Variants in GALNT16 observed in about 807,000 individuals in gnomAD.
GALNT16 encodes the protein UDP-GalNAc:polypeptide N-acetylgalactosaminyltransferase-like protein 1.
GALNT16 carries 40 observed loss-of-function variants against 76.1 expected under a neutral mutation model. The ratio of observed to expected loss-of-function variants is 0.53; its 90% CI spans 0.41 to 0.68. The LOEUF is 0.68. Ranked by LOEUF, GALNT16 falls within the 30% of genes least tolerant of loss-of-function variation. The pLI, the probability that GALNT16 is intolerant of heterozygous loss-of-function variation, is 0.00. For synonymous variants in GALNT16, 276 were observed against 285.2 expected (o/e 0.97, Z 0.32); for missense variants, 621 against 731.9 (o/e 0.85, Z 1.75).
the GALNT16 span, among the ~76,000 whole-genome samples, chr14:69,386,286 C>A: frequency 6.6e-6 from 1 of 152,204 alleles, no homozygotes; most frequent in Admixed American, 6.5e-5. Flanking sequence ...CATCACTGCT[C>A]TTTCAACTTC....
At chr14:69,385,576 A>G in the GALNT16 span, among the ~76,000 whole-genome samples, 14 of 151,964 alleles carry the variant, frequency 9.2e-5, no homozygotes, top group African/African-American at 2.9e-4. Context: ...CCCACTTAAA[A>G]AAAAGCAATT....
At chr14:69,369,104 G>A in the GALNT16 span, among the ~76,000 whole-genome samples, 3 of 152,136 alleles carry the variant, frequency 2.0e-5, no homozygotes, top group African/African-American at 4.8e-5. Context: ...CTAACTGATC[G>A]AGAGTCACCC....
At chr14:69,338,897 C>T in intron 10 of GALNT16, 120 bp downstream of exon 10, 1 of 721,960 alleles carries the variant, frequency 1.4e-6, no homozygotes, top group African/African-American at 1.8e-5. Flanking sequence ...GCCTCAGTTT[C>T]CCCATTTGCC....
intron 1 of GALNT16, among the ~76,000 whole-genome samples, chr14:69,280,066 C>A (rs2044519907): frequency 6.6e-6 from 1 of 152,152 alleles, no homozygotes; most frequent in African/African-American, 2.4e-5. Flanking sequence ...ACCATCTTAA[C>A]CATTTTTAAA....
chr14:69,267,123 G>C (rs1252155131), intron 1 of GALNT16, among the ~76,000 whole-genome samples: 1 of 152,202 alleles, frequency 6.6e-6, no homozygotes, highest in African/African-American at 2.4e-5. Flanking sequence ...TTGCTGCCTG[G>C]GGCGGCGCTG....
the GALNT16 span, among the ~76,000 whole-genome samples, chr14:69,371,201 A>G: frequency 3.9e-5 from 6 of 152,232 alleles, no homozygotes; most frequent in South Asian, 1.2e-3. Context: ...GGGTAACTTC[A>G]CGGTAACATG....
intron 11 of GALNT16, among the ~76,000 whole-genome samples, chr14:69,340,618 G>A (rs1332951974): frequency 6.6e-6 from 1 of 152,004 alleles, no homozygotes; most frequent in African/African-American, 2.4e-5. Context: ...TAGAGTAGCT[G>A]GGATTACAGG....
At chr14:69,341,869 C>A in intron 12 of GALNT16, 105 bp downstream of exon 12, 1 of 718,916 alleles carries the variant, frequency 1.4e-6, no homozygotes, top group Admixed American at 2.2e-5. Context: ...CACTGGTGAT[C>A]TGGCTTTCTA....
intron 1 of GALNT16, among the ~76,000 whole-genome samples, chr14:69,280,924 C>A (rs773817529): frequency 6.6e-6 from 1 of 152,114 alleles, no homozygotes; most frequent in Non-Finnish European, 1.5e-5. Context: ...GAGGTTACAG[C>A]CCTTAGGGGA....
intron 2 of GALNT16, among the ~76,000 whole-genome samples, chr14:69,322,971 TGTGTGTGTGTGCGCGCGCACGC>T (rs1258397733): frequency 9.0e-5 from 5 of 55,784 alleles, no homozygotes; most frequent in African/African-American, 8.5e-4. Flanking sequence ...TGTGTGTGTG[TGTGTGTGTGTGCGCGCGCACGC>T]GCGCACGCAT....
chr14:69,369,513 A>C, the GALNT16 span, among the ~76,000 whole-genome samples: 1 of 152,098 alleles, frequency 6.6e-6, no homozygotes, highest in Non-Finnish European at 1.5e-5. Context: ...AGGGGTGGTG[A>C]GCTCCACTGT....
At chr14:69,348,119 T>A (rs757112433) in intron 14 of GALNT16, 117 bp downstream of exon 14, 1 of 1,061,580 alleles carries the variant, frequency 9.4e-7, no homozygotes, top group Admixed American at 2.0e-5. Flanking sequence ...AGAGCGAGGA[T>A]CTGTGGGGAG....
intron 1 of GALNT16, among the ~76,000 whole-genome samples, chr14:69,288,791 C>G (rs1383728810): frequency 6.6e-6 from 1 of 152,186 alleles, no homozygotes; most frequent in Non-Finnish European, 1.5e-5. Flanking sequence ...AAAACCAACA[C>G]CTGGAGAATG....
intron 12 of GALNT16, among the ~76,000 whole-genome samples, chr14:69,342,204 TTG>T (rs2045496629): frequency 6.6e-6 from 1 of 151,756 alleles, no homozygotes; most frequent in South Asian, 2.1e-4. Context: ...TTCCAGCACT[TTG>T]GGAGGCCAAG....
chr14:69,372,904 A>G, the GALNT16 span, among the ~76,000 whole-genome samples: 1 of 152,158 alleles, frequency 6.6e-6, no homozygotes, highest in Non-Finnish European at 1.5e-5. Context: ...CTCTGTCATT[A>G]TACCTGCAAC....
At chr14:69,320,375 A>G (rs528808730) in intron 1 of GALNT16, among the ~76,000 whole-genome samples, 30 of 152,202 alleles carry the variant, frequency 2.0e-4, no homozygotes, top group African/African-American at 7.0e-4. Flanking sequence ...CGCACCTGTA[A>G]TCTCAGCTAC....
intron 1 of GALNT16, among the ~76,000 whole-genome samples, chr14:69,317,816 C>G (rs1433367371): frequency 6.6e-6 from 1 of 152,102 alleles, no homozygotes; most frequent in East Asian, 1.9e-4. Context: ...CCTGAAGTCT[C>G]AAGATCAAAG....
In GALNT16 at chr14:69,304,869, G is replaced by C. The variant is rs565658662; in HGVS notation, c.178-15842G>C. On this transcript the variant is annotated intron_variant, in intron 1 of 14. Coordinates refer to ENST00000448469, the MANE Select transcript of GALNT16 (RefSeq NM_001168368.2). ...CCACATTTTCTTTATCCGTTCATCT[G>C]TCATGGACATTTGGGTTGTTCCCAC... Among the ~76,000 whole-genome samples the C allele has an allele frequency of 3.9e-5, 6 of 152,284 alleles. No individual in the cohort carries two copies. The South Asian group carries it at 1.2e-3, about 32-fold the overall frequency.
At position 69,351,884 on chromosome 14, in the gene GALNT16, A is replaced by G. The variant is rs1296072770; in HGVS notation, c.1540-147A>G. 22 of 704,600 alleles carry G rather than the reference A, an allele frequency of 3.1e-5. 1 individual carries two copies. The highest frequency in any genetic ancestry group is 6.9e-6 in the Non-Finnish European group (3 of 434,512). The allele number at this position is 704,600 out of a possible 1,614,324, so 43.6% of individuals were successfully genotyped here. On this transcript the variant is annotated intron_variant, in intron 14 of 14. Coordinates refer to ENST00000448469, the MANE Select transcript of GALNT16 (RefSeq NM_001168368.2). ...CTGTGGTAGCACCACTGTAAGAACA[A>G]GGTCATGCCTAAAAAGAAAGGAGGA... is the stretch of plus-strand genomic sequence containing the variant.
Sources: gnomAD v4.1 joint callset for allele counts (sites outside exome capture counted in the v4.1 genomes callset) on GRCh38, gnomAD v4.1.1 for gene constraint, MANE v1.5 for transcripts, NCBI Gene and HGNC (gene_info 2026-07-23, HGNC 2026-07-21) for gene names.